CYP7B1: variants seen among roughly 807,000 people sequenced by gnomAD.
CYP7B1 encodes cytochrome P450 family 7 subfamily B member 1.
CYP7B1 carries 29 observed loss-of-function variants against 42.7 expected under a neutral mutation model. The observed-to-expected ratio is 0.68, with a 90% CI of 0.51 to 0.93. CYP7B1 has a LOEUF of 0.93. CYP7B1 is among the 40% of genes least tolerant of loss of function. The pLI is 0.00. For synonymous variants in CYP7B1, 235 were observed against 218.2 expected, an observed-to-expected ratio of 1.08 and a Z score of -0.68; for missense variants, 655 against 600.5, an observed-to-expected ratio of 1.09 and a Z score of -0.95.
At chr8:64,590,061 T>C (rs2129629571), downstream of CYP7B1, among the ~76,000 whole-genome samples, 1 of 152,366 alleles carries the variant, frequency 6.6e-6, no homozygotes, top group East Asian at 1.9e-4. Flanking sequence ...ATTATTCACA[T>C]GATCATTGCT....
intron 1 of CYP7B1, among the ~76,000 whole-genome samples, chr8:64,783,525 A>G (rs1208625050): frequency 4.6e-5 from 7 of 150,726 alleles, no homozygotes; most frequent in African/African-American, 1.7e-4. Flanking sequence ...TGAAAGAGAG[A>G]AAAAATTCCA....
chr8:64,655,401 C>A (rs754294268), intron 1 of CYP7B1, among the ~76,000 whole-genome samples: 4 of 152,028 alleles, frequency 2.6e-5, no homozygotes, highest in Non-Finnish European at 5.9e-5. Context: ...ATACATGTGG[C>A]CAACAAGCGT....
intron 1 of CYP7B1, among the ~76,000 whole-genome samples, chr8:64,664,055 C>T (rs1001004605): frequency 3.3e-5 from 5 of 152,146 alleles, no homozygotes; most frequent in Admixed American, 2.6e-4. Flanking sequence ...GCCAGCTGGG[C>T]AGGTTCAGGA....
intron 1 of CYP7B1, among the ~76,000 whole-genome samples, chr8:64,716,771 T>G (rs1156912836): frequency 2.6e-5 from 4 of 152,234 alleles, no homozygotes; most frequent in African/African-American, 9.6e-5. Context: ...AAACTTTGTT[T>G]TATGAACCAG....
At chr8:64,714,209 T>C (rs150171051) in intron 1 of CYP7B1, among the ~76,000 whole-genome samples, 273 of 152,354 alleles carry the variant, frequency 1.8e-3, no homozygotes, top group African/African-American at 6.3e-3. Flanking sequence ...GACTCAAACT[T>C]GAGCCAGATG....
At chr8:64,654,201 C>T (rs776182988) in intron 1 of CYP7B1, among the ~76,000 whole-genome samples, 3 of 152,098 alleles carry the variant, frequency 2.0e-5, no homozygotes, top group Non-Finnish European at 4.4e-5. Context: ...AAATAAAGTG[C>T]ATCCAAGTAG....
At chr8:64,702,700 C>A (rs1446404577) in intron 1 of CYP7B1, among the ~76,000 whole-genome samples, 1 of 152,066 alleles carries the variant, frequency 6.6e-6, no homozygotes, top group Admixed American at 6.6e-5. Flanking sequence ...GTGCTGATAA[C>A]TGTTCATTGG....
intron 1 of CYP7B1, among the ~76,000 whole-genome samples, chr8:64,764,229 G>GCCCCCCCCCCCCCCCCTCCCCCCCCC (rs59605103): frequency 1.6e-5 from 2 of 125,146 alleles, no homozygotes; most frequent in Non-Finnish European, 1.7e-5. Flanking sequence ...CTTCCACGCT[G>GCCCCCCCCCCCCCCCCTCCCCCCCCC]CCCCCCCCAC....
At chr8:64,605,065 G>A (rs1014470443) in intron 4 of CYP7B1, among the ~76,000 whole-genome samples, 4 of 152,174 alleles carry the variant, frequency 2.6e-5, no homozygotes, top group African/African-American at 9.7e-5. Context: ...AGGCTTGGGG[G>A]CATTTCACAG....
chr8:64,689,405 ATAT>A (rs1256294740), intron 1 of CYP7B1, among the ~76,000 whole-genome samples: 3 of 152,218 alleles, frequency 2.0e-5, no homozygotes, highest in Non-Finnish European at 4.4e-5. Context: ...TGTATGAGAA[ATAT>A]TATCCCCAAA....
At chr8:64,589,769 CAAT>C (rs749814825), downstream of CYP7B1, 4 of 152,158 alleles carry the variant, frequency 2.6e-5, no homozygotes, top group Admixed American at 1.3e-4. Context: ...AAATTTGACT[CAAT>C]GATGAATCAT....
At chr8:64,674,465 G>T (rs1157658633) in intron 1 of CYP7B1, among the ~76,000 whole-genome samples, 5 of 152,050 alleles carry the variant, frequency 3.3e-5, no homozygotes, top group Middle Eastern at 3.2e-3. Context: ...CCTGGCTATG[G>T]CAAGTTTGAT....
At chr8:64,623,527 G>A (rs1218468940) in intron 2 of CYP7B1, among the ~76,000 whole-genome samples, 3 of 152,144 alleles carry the variant, frequency 2.0e-5, no homozygotes, top group Non-Finnish European at 4.4e-5. Flanking sequence ...TTGGGGATTT[G>A]TTACTCAGCA....
At chr8:64,689,795 T>G (rs974206480) in intron 1 of CYP7B1, among the ~76,000 whole-genome samples, 5 of 152,090 alleles carry the variant, frequency 3.3e-5, no homozygotes, top group Non-Finnish European at 5.9e-5. Context: ...CTCGAACTCC[T>G]AACCTCAAAT....
At chr8:64,614,467 C>T (rs1366287323) in intron 4 of CYP7B1, among the ~76,000 whole-genome samples, 1 of 151,880 alleles carries the variant, frequency 6.6e-6, no homozygotes, top group African/African-American at 2.4e-5. Flanking sequence ...TCCCTCTGTC[C>T]CTCCTCCGTT....
intron 1 of CYP7B1, among the ~76,000 whole-genome samples, chr8:64,776,648 C>T (rs1468856678): frequency 6.6e-6 from 1 of 152,086 alleles, no homozygotes; most frequent in African/African-American, 2.4e-5. Context: ...GCATATGCTC[C>T]CCCACAATAT....
At chr8:64,761,055 A>G (rs530001657) in intron 1 of CYP7B1, among the ~76,000 whole-genome samples, 2 of 152,282 alleles carry the variant, frequency 1.3e-5, no homozygotes, top group Non-Finnish European at 2.9e-5. Flanking sequence ...ATGAACTTGG[A>G]GGACATTATG....
intron 4 of CYP7B1, among the ~76,000 whole-genome samples, chr8:64,608,366 A>C (rs1396469098): frequency 6.6e-6 from 1 of 152,236 alleles, no homozygotes; most frequent in Non-Finnish European, 1.5e-5. Context: ...AAAACAAATA[A>C]GCATATCTGG....
At chr8:64,691,997 C>T (rs574047401) in intron 1 of CYP7B1, among the ~76,000 whole-genome samples, 1 of 152,170 alleles carries the variant, frequency 6.6e-6, no homozygotes. Flanking sequence ...TGCAGTCAGT[C>T]AGCATCAACT....
Sources: gnomAD v4.1 joint callset for allele counts (sites outside exome capture counted in the v4.1 genomes callset) on GRCh38, gnomAD v4.1.1 for gene constraint, MANE v1.5 for transcripts, NCBI Gene and HGNC (gene_info 2026-07-23, HGNC 2026-07-21) for gene names.